The following MEGF8 variants were observed in gnomAD, a reference collection of about 807,000 sequenced individuals.
The protein encoded by MEGF8 is multiple EGF like domains 8.
A neutral mutation model predicts 302.9 loss-of-function variants in MEGF8; 156 were observed. The ratio of observed to expected loss-of-function variants is 0.52; its 90% CI spans 0.45 to 0.59. The LOEUF (loss-of-function observed/expected upper bound fraction) is 0.59. Among genes scored for constraint, MEGF8 ranks in the 20% least tolerant of loss-of-function variants. The probability of loss-of-function intolerance (pLI) is 0.00; values close to 1 mark genes in which losing one functional copy is unlikely to be tolerated. For missense variants in MEGF8, 3,345 were observed against 3,964.5 expected (o/e 0.84, Z 4.20); for synonymous variants, 1,621 against 1,660.5 (o/e 0.98, Z 0.58).
At chr19:42,370,477 G>A (rs2039670080) in intron 39 of MEGF8, 118 bp downstream of exon 39, 3 of 1,010,914 alleles carry the variant, frequency 3.0e-6, no homozygotes, top group African/African-American at 1.7e-5. Context: ...AGGGGCTGGA[G>A]GCCTGGATTC....
Position 42,353,434 on chromosome 19 carries a change from G to C in MEGF8, c.3551-31G>C, listed in dbSNP as rs1208767393. 19 of 1,602,588 alleles carry C rather than the reference G, an allele frequency of 1.2e-5. No homozygotes were observed. Among genetic ancestry groups the C allele is most frequent in the Non-Finnish European group, 1.6e-5 (19 of 1,175,936 alleles). ...CTGGGCCTGTTTCCACCCTTGACTTGACTCTGTCCCACCTGCTGGGGCCTC... is the reference window on the plus strand; with the variant it reads ...CTGGGCCTGTTTCCACCCTTGACTTCACTCTGTCCCACCTGCTGGGGCCTC... On this transcript the variant is annotated intron_variant, in intron 20 of 41. Transcript: ENST00000251268. This position sits in a 1 kb window ranked among gnomAD's most constrained non-coding sequence, Gnocchi z 6.1.
chr19:42,358,269 C>A lies in MEGF8; in HGVS notation c.5137C>A (p.Arg1713Ser). Residue 1713 changes from arginine to serine, a missense_variant, in exon 29 of 42, where the codon CGC becomes AGC. Arg to Ser is a moderately radical substitution (Grantham distance 110). Coordinates refer to ENST00000251268, the MANE Select transcript of MEGF8 (RefSeq NM_001271938.2). This position sits in a 1 kb window ranked among gnomAD's most constrained non-coding sequence, Gnocchi z 4.4. ...GCTCTACTCCCTGCACTGTCCTGAC[C>A]GCACCTGGAGTCTGCTGGCCCCTTC... ...PELYSLHCPD[R>S]TWSLLAPSQG... The A allele has an allele frequency of 6.2e-7, 1 of 1,605,720 alleles. No homozygotes were observed.
Position 42,354,639 on chromosome 19 carries a change from G to GTTT in MEGF8, c.4065_4066insTTT (p.Val1355_Val1356insPhe). On this transcript the variant is annotated inframe_insertion, in exon 23 of 42. Coordinates refer to ENST00000251268, the MANE Select transcript of MEGF8 (RefSeq NM_001271938.2). The surrounding 1 kb of genome is among the most constrained non-coding windows in gnomAD (Gnocchi z 4.3). ...ATTCCCACGCTTCCTGGACACTGGT[G>GTTT]TTGTCCAGTCGGACCGCAGCCTCAT... 1.2e-6 allele frequency: 2 copies of GTTT among 1,612,950 alleles called. No homozygotes were observed. Among genetic ancestry groups the GTTT allele is most frequent in the Non-Finnish European group, 1.7e-6 (2 of 1,179,784 alleles).
rs2039243398 is a variant in MEGF8 at position 42,343,490 on chromosome 19, T to C, written c.1527T>C (p.Pro509=). 1.2e-6 allele frequency: 2 copies of C among 1,603,816 alleles called. No individual in the cohort carries two copies. The highest frequency in any genetic ancestry group is 2.7e-5 in the African/African-American group (2 of 74,694). ...PPGTPEGRAA[P]PSGRYSHVAA... ...CTATTCCCCTAGGCCGAGCAGCGCCTCCCAGTGGTCGGTACTCACATGTAG... is the reference window on the plus strand; with the variant it reads ...CTATTCCCCTAGGCCGAGCAGCGCCCCCCAGTGGTCGGTACTCACATGTAG... Residue 509 remains proline, a synonymous_variant, in exon 9 of 42, where the codon CCT becomes CCC. Coordinates refer to ENST00000251268, the MANE Select transcript of MEGF8 (RefSeq NM_001271938.2).
rs1392448254 is a variant in MEGF8, at chr19:42,369,902, C to G, written c.6834+179C>G. ...GGGGGACGCTGCCTGGGTTTGGATC[C>G]CAGAGGGTCTGCCCTGGAATAGTGG... On this transcript the variant is annotated intron_variant, in intron 38 of 41. Coordinates refer to ENST00000251268, the MANE Select transcript of MEGF8 (RefSeq NM_001271938.2). The surrounding 1 kb of genome is among the most constrained non-coding windows in gnomAD (Gnocchi z 5.7). 6.6e-6 allele frequency among the ~76,000 whole-genome samples: 1 copy of G among 152,144 alleles called. No homozygotes were observed. Among genetic ancestry groups the G allele is most frequent in the Non-Finnish European group, 1.5e-5 (1 of 68,038 alleles).
At chr19:42,343,768 T>C in intron 9 of MEGF8, 137 bp downstream of exon 9, 6 of 1,307,144 alleles carry the variant, frequency 4.6e-6, no homozygotes, top group Non-Finnish European at 6.1e-6. Flanking sequence ...GGGAAGGAGG[T>C]CCCTGGGGCA....
intron 12 of MEGF8, among the ~76,000 whole-genome samples, chr19:42,346,557 G>A (rs879892310): frequency 6.6e-6 from 1 of 152,104 alleles, no homozygotes; most frequent in Non-Finnish European, 1.5e-5. Context: ...CGTGCCTGTA[G>A]TCCCAGCTAC....
In MEGF8 at chr19:42,363,039, C is replaced by T; in HGVS notation, c.6059-9C>T. The T allele has an allele frequency of 6.2e-7, 1 of 1,610,170 alleles. No homozygotes were observed. Among genetic ancestry groups the T allele is most frequent in the Non-Finnish European group, 8.5e-7 (1 of 1,178,166 alleles). On this transcript the variant is annotated splice_polypyrimidine_tract_variant and intron_variant, in intron 34 of 41. Transcript: ENST00000251268. The stretch of plus-strand genomic sequence containing the variant: ...GTCTGAGGTTCTAATCCCCGTGCCC[C>T]ACCCCCAGGGGAGACCCGCCGCATC...
In MEGF8 at chr19:42,378,383, C is replaced by G. The variant is rs1222288709; in HGVS notation, c.*1608C>G. 1 of 153,752 alleles carries G rather than the reference C, an allele frequency of 6.5e-6. No homozygotes were observed. The highest frequency in any genetic ancestry group is 1.5e-5 in the Non-Finnish European group (1 of 68,072). The allele number at this position is 153,752 out of a possible 1,614,324, so 9.5% of individuals were successfully genotyped here. ...CAAAACCTCTGCCTGAGATCCCACC[C>G]CAGGTGGGCATGGGGGCCACTGAGG... On this transcript the variant is annotated 3_prime_UTR_variant, in exon 42 of 42. Coordinates refer to ENST00000251268, the MANE Select transcript of MEGF8 (RefSeq NM_001271938.2).
Position 42,352,958 on chromosome 19 carries a change from C to T in MEGF8, c.3381C>T (p.Cys1127=). The change falls in exon 20 of 42, where the codon TGC becomes TGT. Residue 1127 remains cysteine (C), a synonymous_variant. Coordinates refer to ENST00000251268, the MANE Select transcript of MEGF8 (RefSeq NM_001271938.2). This position sits in a 1 kb window ranked among gnomAD's most constrained non-coding sequence, Gnocchi z 4.4. ...TGGAGGACTGTGGCCATGGTGTGTGCAGTGGCCCCCCGGACTTTACCTGCG... is the reference window on the plus strand; with the variant it reads ...TGGAGGACTGTGGCCATGGTGTGTGTAGTGGCCCCCCGGACTTTACCTGCG... The part of the protein sequence containing the change: ...TCLEDCGHGV[C]SGPPDFTCVC... 4 of 1,601,590 alleles carry T rather than the reference C, an allele frequency of 2.5e-6. No homozygotes were observed. The highest frequency in any genetic ancestry group is 3.4e-6 in the Non-Finnish European group (4 of 1,174,872).
rs767006723 is a variant in MEGF8 at position 42,369,051 on chromosome 19, C to T, written c.6641+49C>T. 1 of 1,597,972 alleles carries T rather than the reference C, an allele frequency of 6.3e-7. No individual in the cohort carries two copies. Among genetic ancestry groups the T allele is most frequent in the Non-Finnish European group, 8.5e-7 (1 of 1,175,060 alleles). ...GCCAGGCAGGCTAGGGTGGGAGAGT[C>T]TGTGGGGAGCAGTAATGGATGAGGC... On this transcript the variant is annotated intron_variant, in intron 37 of 41. Transcript: ENST00000251268. This position sits in a 1 kb window ranked among gnomAD's most constrained non-coding sequence, Gnocchi z 5.7.
chr19:42,376,961 T>C lies in MEGF8; in HGVS notation c.*186T>C. ...GCAGCTATTTATCGAGTACCTACTCTGTCAGGCACTGTCATAGGCGTGGGG... is the reference window on the plus strand; with the variant it reads ...GCAGCTATTTATCGAGTACCTACTCCGTCAGGCACTGTCATAGGCGTGGGG... On this transcript the variant is annotated 3_prime_UTR_variant, in exon 42 of 42. Transcript: ENST00000251268. The surrounding 1 kb of genome is among the most constrained non-coding windows in gnomAD (Gnocchi z 8.2). 1.8e-6 allele frequency: 1 copy of C among 561,280 alleles called. No homozygotes were observed. The highest frequency in any genetic ancestry group is 2.9e-6 in the Non-Finnish European group (1 of 350,338). 34.8% of individuals were successfully genotyped at this position (561,280 alleles called of 1,614,324 possible).
chr19:42,325,826 A>C lies in MEGF8; in HGVS notation c.-418A>C. 1 of 163,690 alleles carries C rather than the reference A, an allele frequency of 6.1e-6. No homozygotes were observed. 10.1% of individuals were successfully genotyped at this position (163,690 alleles called of 1,614,324 possible). On this transcript the variant is annotated 5_prime_UTR_variant, in exon 1 of 42. It removes an upstream start codon present in the reference 5' UTR. Transcript: ENST00000251268. ...TAGCCTGTCCCGGCCCGCAGCCTCTATGGAGGCTCCTGCCGGGCCGTAGAG... is the reference window on the plus strand; with the variant it reads ...TAGCCTGTCCCGGCCCGCAGCCTCTCTGGAGGCTCCTGCCGGGCCGTAGAG...
intron 23 of MEGF8, among the ~76,000 whole-genome samples, chr19:42,355,517 G>A (rs2039438256): frequency 6.6e-6 from 1 of 152,132 alleles, no homozygotes; most frequent in Non-Finnish European, 1.5e-5. Flanking sequence ...AGGTGGGACA[G>A]GACTTGGGCT....
Position 42,361,997 on chromosome 19 carries a change from G to A in MEGF8, c.5721-93G>A. The A allele has an allele frequency of 3.9e-6, 6 of 1,532,610 alleles. No homozygotes were observed. In the South Asian group the frequency reaches 7.4e-5, roughly 19 times the overall value. The allele number at this position is 1,532,610 out of a possible 1,614,324, so 94.9% of individuals were successfully genotyped here. A position where few individuals can be genotyped will look rare whatever the true frequency, so the allele number is the denominator to read the frequency against. Reference sequence around the variant, plus strand: ...GGAGGCCTGTGCTATGTCCAGCTTGGGATGCAGGGTTGGGGGCCTGCAGGA... The same window carrying A: ...GGAGGCCTGTGCTATGTCCAGCTTGAGATGCAGGGTTGGGGGCCTGCAGGA... On this transcript the variant is annotated intron_variant, in intron 32 of 41. Coordinates refer to ENST00000251268, the MANE Select transcript of MEGF8 (RefSeq NM_001271938.2).
chr19:42,335,167 G>T lies in MEGF8; in HGVS notation c.691G>T (p.Ala231Ser). 6.2e-7 allele frequency: 1 copy of T among 1,613,942 alleles called. No individual in the cohort carries two copies. Among genetic ancestry groups the T allele is most frequent in the Non-Finnish European group, 8.5e-7 (1 of 1,179,858 alleles). ...RDPAFSARIG[A>S]AGAFLSPPGL... is the part of the protein sequence containing the mutation. ...CCCTGCCTTCTCTGCCCGTATTGGG[G>T]CAGCTGGCGCCTTCCTGTCCCCACC... Residue 231 changes from alanine to serine, a missense_variant, in exon 4 of 42, where the codon GCA becomes TCA. By Grantham distance (99) the Ala-to-Ser change is moderately conservative (BLOSUM62 1). Coordinates refer to ENST00000251268, the MANE Select transcript of MEGF8 (RefSeq NM_001271938.2).
intron 23 of MEGF8, among the ~76,000 whole-genome samples, chr19:42,355,021 A>G (rs2039430922): frequency 6.6e-6 from 1 of 152,126 alleles, no homozygotes; most frequent in South Asian, 2.1e-4. Context: ...TAGTAGCGCA[A>G]TCTCAGCTCA....
chr19:42,327,411 G>A (rs1274696931), intron 1 of MEGF8, among the ~76,000 whole-genome samples: 1 of 152,184 alleles, frequency 6.6e-6, no homozygotes, highest in Non-Finnish European at 1.5e-5. Context: ...AGAGCCCAGA[G>A]AAAGTGCCTG....
At chr19:42,329,875 G>GAA (rs773136200) in intron 1 of MEGF8, among the ~76,000 whole-genome samples, 20 of 124,546 alleles carry the variant, frequency 1.6e-4, no homozygotes, top group African/African-American at 5.0e-4. Context: ...CTGTCTCAGG[G>GAA]AAAAAAAAAA....
Sources: gnomAD v4.1 joint callset for allele counts (sites outside exome capture counted in the v4.1 genomes callset) on GRCh38, gnomAD v4.1.1 for gene constraint, Gnocchi (gnomAD v3.1) non-coding constraint, MANE v1.5 for transcripts, NCBI Gene and HGNC (gene_info 2026-07-23, HGNC 2026-07-21) for gene names.